IPPK: variants seen among roughly 807,000 people sequenced by gnomAD.
The protein encoded by IPPK is inositol-pentakisphosphate 2-kinase.
IPPK carries 22 observed loss-of-function variants against 64.6 expected under a neutral mutation model. The ratio of observed to expected loss-of-function variants is 0.34; its 90% CI spans 0.24 to 0.49. The LOEUF is 0.49. Ranked by LOEUF, IPPK falls within the 20% of genes least tolerant of loss-of-function variation. IPPK has a pLI of 0.99. For synonymous variants in IPPK, 262 were observed against 247.2 expected (o/e 1.06, Z -0.56); for missense variants, 532 against 630.7 (o/e 0.84, Z 1.68).
Position 92,669,900 on chromosome 9 carries a change from C to G in IPPK, c.81+8G>C. 1.9e-6 allele frequency: 3 copies of G among 1,608,464 alleles called. No individual in the cohort carries two copies. The highest frequency in any genetic ancestry group is 2.6e-6 in the Non-Finnish European group (3 of 1,176,238). On this transcript the variant is annotated splice_region_variant and intron_variant, in intron 1 of 12. Transcript: ENST00000287996. ...GTACCGGACCTGCGCCGCACGTCCA[C>G]CGCTCACCTGCGCGTGGGCCACCAC...
chr9:92,623,965 T>TA (rs1481630909), intron 11 of IPPK, among the ~76,000 whole-genome samples: 1 of 152,150 alleles, frequency 6.6e-6, no homozygotes, highest in Admixed American at 6.5e-5. Flanking sequence ...GCAGAACAGA[T>TA]AAATTGTAGT....
intron 4 of IPPK, among the ~76,000 whole-genome samples, chr9:92,650,760 T>G (rs556951493): frequency 6.6e-6 from 1 of 152,272 alleles, no homozygotes; most frequent in East Asian, 1.9e-4. Flanking sequence ...ACAACACCCT[T>G]AGCCCAGGAA....
chr9:92,669,211 T>C (rs577315183), intron 1 of IPPK, among the ~76,000 whole-genome samples: 13 of 152,138 alleles, frequency 8.5e-5, no homozygotes, highest in Admixed American at 2.6e-4. Context: ...CCTGCGTGGT[T>C]GTACCAGACA....
At chr9:92,652,696 G>A (rs1852291435) in intron 3 of IPPK, 57 bp from the exon 4 acceptor site, 1 of 879,500 alleles carries the variant, frequency 1.1e-6, no homozygotes, top group South Asian at 1.7e-5. Context: ...TGAACACAAT[G>A]CCACAGAACT....
At chr9:92,665,817 A>G (rs1852584381) in intron 1 of IPPK, among the ~76,000 whole-genome samples, 1 of 152,196 alleles carries the variant, frequency 6.6e-6, no homozygotes, top group Non-Finnish European at 1.5e-5. Context: ...TGTATGGCAA[A>G]AAAAATACAT....
In IPPK at chr9:92,668,814, C is replaced by T. The variant is rs571261699; in HGVS notation, c.81+1094G>A. 3.3e-5 allele frequency among the ~76,000 whole-genome samples: 5 copies of T among 152,348 alleles called. No individual in the cohort carries two copies. The South Asian group carries it at 1.0e-3, about 32-fold the overall frequency. ...TAATGAGCAACAAAATCCAAAGGCA[C>T]AACCTAGGGGCTACCTGGGTGTTTG... On this transcript the variant is annotated intron_variant, in intron 1 of 12. Transcript: ENST00000287996.
intron 6 of IPPK, among the ~76,000 whole-genome samples, chr9:92,647,397 T>C (rs950973626): frequency 6.6e-6 from 1 of 151,838 alleles, no homozygotes; most frequent in Non-Finnish European, 1.5e-5. Flanking sequence ...GAAAAGAAAA[T>C]AATTCCTAAC....
rs1358487558 is a variant in IPPK, at chr9:92,669,739, C to T, written c.81+169G>A. Among the ~76,000 whole-genome samples, 8 of 79,138 alleles carry T rather than the reference C, an allele frequency of 1.0e-4. No individual in the cohort carries two copies. In the East Asian group the frequency reaches 1.7e-3, roughly 17 times the overall value. The allele number at this position is 79,138 out of a possible 152,430, so 51.9% of individuals were successfully genotyped here. On this transcript the variant is annotated intron_variant, in intron 1 of 12. Transcript: ENST00000287996. Reference sequence around the variant, plus strand: ...ATACTGGGGTGATGAGGAACCCAAGCGGTAGGGGGGGATGCTGGAGGGTGG... The same window carrying T: ...ATACTGGGGTGATGAGGAACCCAAGTGGTAGGGGGGGATGCTGGAGGGTGG...
chr9:92,663,890 A>G (rs1852538879), intron 1 of IPPK, among the ~76,000 whole-genome samples: 1 of 152,254 alleles, frequency 6.6e-6, no homozygotes, highest in South Asian at 2.1e-4. Flanking sequence ...TGGGAAGGGA[A>G]GACAGAAAAA....
rs1851341559 is a variant in IPPK, at chr9:92,613,692, A to C, written c.*2140T>G. On this transcript the variant is annotated 3_prime_UTR_variant, in exon 13 of 13. Transcript: ENST00000287996. ...GTCCTCATGCTGTTCTTGGTCTTCC[A>C]CAAGAAAGTGAAGCTGTCAGCTTAA... is the stretch of plus-strand genomic sequence containing the variant. The C allele has an allele frequency of 6.4e-6, 1 of 157,300 alleles. No homozygotes were observed. The highest frequency in any genetic ancestry group is 1.9e-4 in the South Asian group (1 of 5,356). 9.7% of individuals were successfully genotyped at this position (157,300 alleles called of 1,614,324 possible).
At position 92,620,611 on chromosome 9, in the gene IPPK, C is replaced by T. The variant is rs552180770; in HGVS notation, c.1171-1046G>A. The T allele has an allele frequency of 3.9e-5, 6 of 152,330 alleles. No individual in the cohort carries two copies. The East Asian group carries it at 1.2e-3, about 29-fold the overall frequency. 9.4% of individuals were successfully genotyped at this position (152,330 alleles called of 1,614,324 possible). A position where few individuals can be genotyped will look rare whatever the true frequency, so the allele number is the denominator to read the frequency against. The stretch of plus-strand genomic sequence containing the variant: ...TCTCCTGTCTCCCTTTTAACCACTC[C>T]CCTCAATTGCATATAACCTGGAGGA... On this transcript the variant is annotated intron_variant, in intron 11 of 12. Transcript: ENST00000287996.
intron 4 of IPPK, among the ~76,000 whole-genome samples, chr9:92,651,374 T>G (rs1852263752): frequency 6.6e-6 from 1 of 151,570 alleles, no homozygotes; most frequent in Non-Finnish European, 1.5e-5. Flanking sequence ...CACCAGCAAG[T>G]GCAGAAAAGG....
chr9:92,649,657 T>C, intron 4 of IPPK, 83 bp from the exon 5 acceptor site: 2 of 1,532,414 alleles, frequency 1.3e-6, no homozygotes, highest in Non-Finnish European at 1.8e-6. Context: ...CCCCGCCTTG[T>C]CCCTGGTTCC....
At chr9:92,649,896 C>T (rs1469547903) in intron 4 of IPPK, among the ~76,000 whole-genome samples, 2 of 151,706 alleles carry the variant, frequency 1.3e-5, no homozygotes, top group East Asian at 1.9e-4. Context: ...CATGGTGGCA[C>T]GTGCCTACAG....
intron 1 of IPPK, among the ~76,000 whole-genome samples, chr9:92,659,117 T>C (rs1250084556): frequency 6.6e-6 from 1 of 152,184 alleles, no homozygotes; most frequent in Non-Finnish European, 1.5e-5. Context: ...GCTTACAGAA[T>C]GAGCCTATTT....
chr9:92,646,690 G>A (rs1852156398), intron 6 of IPPK, among the ~76,000 whole-genome samples: 1 of 152,138 alleles, frequency 6.6e-6, no homozygotes, highest in Non-Finnish European at 1.5e-5. Context: ...GGGCACGGTG[G>A]CTCACACCTG....
chr9:92,640,628 G>C (rs1349859688), intron 8 of IPPK, 82 bp downstream of exon 8: 7 of 929,762 alleles, frequency 7.5e-6, no homozygotes, highest in Non-Finnish European at 1.1e-5. Flanking sequence ...GTGCAGCCCA[G>C]CCCAACACCC....
intron 2 of IPPK, 91 bp from the exon 3 acceptor site, chr9:92,656,642 A>C: frequency 1.3e-6 from 1 of 799,908 alleles, no homozygotes. Flanking sequence ...CACGGACCCC[A>C]CCACAAGCAA....
chr9:92,670,031 A>G lies in IPPK; in HGVS notation c.-43T>C, dbSNP rs1398868414. The stretch of plus-strand genomic sequence containing the variant: ...GCGCCTCGCGGGCTAGGACTCGGGG[A>G]CGCGAGCTGGGGGCCGCCCGCCTCG... On this transcript the variant is annotated 5_prime_UTR_variant, in exon 1 of 13. Transcript: ENST00000287996. 6.8e-7 allele frequency: 1 copy of G among 1,470,806 alleles called. No individual in the cohort carries two copies. The highest frequency in any genetic ancestry group is 1.5e-5 in the African/African-American group (1 of 68,940). The allele number at this position is 1,470,806 out of a possible 1,614,324, so 91.1% of individuals were successfully genotyped here. A position where few individuals can be genotyped will look rare whatever the true frequency, so the allele number is the denominator to read the frequency against.
Sources: allele counts gnomAD v4.1 joint callset (sites outside exome capture counted in the v4.1 genomes callset), GRCh38; gene constraint gnomAD v4.1.1; transcripts MANE v1.5; gene names NCBI Gene and HGNC (gene_info 2026-07-23, HGNC 2026-07-21).